Variants in FCER2 observed in about 807,000 individuals in gnomAD.
FCER2 encodes the protein low affinity immunoglobulin epsilon Fc receptor.
In FCER2, 38 loss-of-function variants were observed where a neutral mutation model predicts 49.7. That is an observed-to-expected ratio of 0.76 (90% confidence interval 0.59 to 1.00). FCER2 has a LOEUF of 1.00. FCER2 is among the 50% of genes least tolerant of loss of function. FCER2 has a pLI of 0.00. For synonymous variants in FCER2, 163 were observed against 164.6 expected, an observed-to-expected ratio of 0.99 and a Z score of 0.07; for missense variants, 425 against 419.5, an observed-to-expected ratio of 1.01 and a Z score of -0.11.
chr19:7,698,170 C>T (rs2033065641), intron 4 of FCER2, among the ~76,000 whole-genome samples, 186 bp downstream of exon 4: 1 of 152,194 alleles, frequency 6.6e-6, no homozygotes, highest in Non-Finnish European at 1.5e-5. Context: ...GGAAGAGCAT[C>T]TGTATTAGGA....
At position 7,696,905 on chromosome 19, in the gene FCER2, T is replaced by C; in HGVS notation, c.389A>G (p.Glu130Gly). 6.3e-7 allele frequency: 1 copy of C among 1,582,158 alleles called. No homozygotes were observed. Among genetic ancestry groups the C allele is most frequent in the Middle Eastern group, 1.7e-4 (1 of 6,024 alleles). The change falls in exon 8 of 11, where the codon GAG becomes GGG. Residue 130 changes from glutamate (E) to glycine (G), a missense_variant. Coordinates refer to ENST00000597921, the MANE Select transcript of FCER2 (RefSeq NM_001220500.2). ...CAGCAAATCTGAAGCTTCGTTCCTC[T>C]CGTTCAATTCTTGGGGAGTCAACAA... ...LSSFKSQELN[E>G]RNEASDLLER...
intron 3 of FCER2, 57 bp downstream of exon 3, chr19:7,698,684 G>A: frequency 6.3e-7 from 1 of 1,584,442 alleles, no homozygotes; most frequent in Non-Finnish European, 8.6e-7. Flanking sequence ...GTGAAGGAGG[G>A]AACACAGAAG....
At chr19:7,698,934 C>A (rs2033091849) in intron 2 of FCER2, 80 bp from the exon 3 acceptor site, 11 of 1,438,230 alleles carry the variant, frequency 7.6e-6, no homozygotes, top group Middle Eastern at 1.8e-4. Context: ...TTACCCAGAG[C>A]CCCCGACAGC....
chr19:7,698,370 C>A lies in FCER2; in HGVS notation c.176G>T (p.Arg59Met), dbSNP rs1464019006. The A allele has an allele frequency of 1.9e-6, 3 of 1,612,536 alleles. No individual in the cohort carries two copies. The highest frequency in any genetic ancestry group is 1.1e-5 in the South Asian group (1 of 90,862). The stretch of plus-strand genomic sequence containing the variant: ...CCCCTTCATACCGTTCCGGGCAGCC[C>A]TCTCTTCCAGCTGTTTTAGACTCTG... The part of the protein sequence containing the change: ...TTQSLKQLEE[R>M]AARNVSQVSK... Residue 59 changes from arginine (R) to methionine (M), a missense_variant, in exon 4 of 11, where the codon AGG (arginine) becomes ATG (methionine). Arg to Met is a moderately conservative substitution (Grantham distance 91, BLOSUM62 -1). Coordinates refer to ENST00000597921, the MANE Select transcript of FCER2 (RefSeq NM_001220500.2).
At chr19:7,698,228 G>C (rs1446003322) in intron 4 of FCER2, 128 bp downstream of exon 4, 1 of 658,676 alleles carries the variant, frequency 1.5e-6, no homozygotes, top group South Asian at 2.4e-5. Flanking sequence ...GCCTTCCCTA[G>C]GACAGGGAGC....
At chr19:7,698,233 G>A in intron 4 of FCER2, 123 bp downstream of exon 4, 1 of 687,114 alleles carries the variant, frequency 1.5e-6, no homozygotes, top group East Asian at 2.8e-5. Context: ...CCCTAGGACA[G>A]GGAGCAACTT....
intron 4 of FCER2, 62 bp from the exon 5 acceptor site, chr19:7,697,651 C>T (rs2033053679): frequency 7.2e-7 from 1 of 1,394,308 alleles, no homozygotes; most frequent in Admixed American, 1.8e-5. Context: ...TGGACCCCGC[C>T]TATGCCCCAG....
In FCER2 at chr19:7,696,093, C is replaced by G. The variant is rs573213109; in HGVS notation, c.469+732G>C. Among the ~76,000 whole-genome samples, 189 of 151,612 alleles carry G rather than the reference C, an allele frequency of 1.2e-3. 1 individual carries two copies. The highest frequency in any genetic ancestry group is 4.3e-3 in the African/African-American group (179 of 41,302). ...GGATTACGTATGCCCGCCACCACAC[C>G]CGGTTAATTTTTTAAAATTTTTATT... On this transcript the variant is annotated intron_variant, in intron 8 of 10. Transcript: ENST00000597921.
Position 7,689,289 on chromosome 19 carries a change from C to A in FCER2, c.870G>T (p.Pro290=), listed in dbSNP as rs374368888. 3 of 1,613,256 alleles carry A rather than the reference C, an allele frequency of 1.9e-6. No homozygotes were observed. In the Admixed American group the frequency reaches 5.0e-5, roughly 27 times the overall value. Residue 290 remains proline (P), a synonymous_variant, in exon 11 of 11, where the codon CCG becomes CCT. Coordinates refer to ENST00000597921, the MANE Select transcript of FCER2 (RefSeq NM_001220500.2). ...ACTCCGCGGAACCTTCGCTGGCTGG[C>A]GGCGTGCATGTGGCCAGCCGGTCGC... The part of the protein sequence containing the change: ...WVCDRLATCT[P]PASEGSAESM...
rs774623335 is a variant in FCER2 at position 7,698,441 on chromosome 19, G to A, written c.137-32C>T. 2.0e-5 allele frequency: 32 copies of A among 1,564,440 alleles called. No homozygotes were observed. The Admixed American group carries it at 5.4e-4, about 26-fold the overall frequency. On this transcript the variant is annotated intron_variant, in intron 3 of 10. Transcript: ENST00000597921. ...AGGGGGAGAGAAGAGGAGTGGAGAGGGGGGATTGTCAGTGCCCCCACCTGC... is the reference window on the plus strand; with the variant it reads ...AGGGGGAGAGAAGAGGAGTGGAGAGAGGGGATTGTCAGTGCCCCCACCTGC...
At position 7,699,477 on chromosome 19, in the gene FCER2, GTTT is replaced by G. The variant is rs55828544; in HGVS notation, c.22+259_22+261del. The G allele has an allele frequency of 6.5e-3, 8,051 of 1,243,654 alleles. 16 individuals carry two copies. Among genetic ancestry groups the G allele is most frequent in the African/African-American group, 0.029 (1,776 of 60,416 alleles). 77.0% of individuals were successfully genotyped at this position (1,243,654 alleles called of 1,614,324 possible). ...GGCTCCCCGCTCCCTAGCTGAAGCCGTTTTTTTTTTTTTTTCTTTTTCTTTTTT... is the reference window on the plus strand; with the variant it reads ...GGCTCCCCGCTCCCTAGCTGAAGCCGTTTTTTTTTTTTCTTTTTCTTTTTT... On this transcript the variant is annotated intron_variant, in intron 2 of 10. Transcript: ENST00000597921.
In FCER2 at chr19:7,689,329, AGCTTACGGTCGCAGAAG is replaced by A; in HGVS notation, c.813_829del (p.Phe272GlyfsTer26). On this transcript the variant is annotated frameshift_variant, in exon 11 of 11. Coordinates refer to ENST00000597921, the MANE Select transcript of FCER2 (RefSeq NM_001220500.2). LOFTEE classifies it high-confidence loss of function. ...CAGCCGGTCGCACACCCAGGCGCCC[AGCTTACGGTCGCAGAAG>A]GCGTCGTTCCAGCGACCGGAGCCCC... 1 of 1,612,942 alleles carries A rather than the reference AGCTTACGGTCGCAGAAG, an allele frequency of 6.2e-7. No homozygotes were observed. The highest frequency in any genetic ancestry group is 8.5e-7 in the Non-Finnish European group (1 of 1,179,678).
At position 7,690,513 on chromosome 19, in the gene FCER2, G is replaced by T. The variant is rs145289159; in HGVS notation, c.514C>A (p.Arg172=). ...TCPEKWINFQ[R]KCYYFGKGTK... ...CCCTTGCCGAAGTAGTAGCACTTCC[G>T]TTGGAAATTGATCCACTTTTCAGGG... Residue 172 remains arginine, a synonymous_variant, in exon 9 of 11, where the codon CGG becomes AGG. Transcript: ENST00000597921. The T allele has an allele frequency of 1.4e-5, 22 of 1,613,988 alleles. No homozygotes were observed. The Admixed American group carries it at 2.0e-4, about 15-fold the overall frequency.
At chr19:7,696,938 T>G in intron 7 of FCER2, 24 bp from the exon 8 acceptor site, 2 of 1,566,378 alleles carry the variant, frequency 1.3e-6, no homozygotes, top group Non-Finnish European at 1.7e-6. Context: ...CAAGGGGCGG[T>G]GCTCAGAGAC....
chr19:7,694,775 G>A (rs939659520), intron 8 of FCER2, among the ~76,000 whole-genome samples: 1 of 152,144 alleles, frequency 6.6e-6, no homozygotes, highest in African/African-American at 2.4e-5. Flanking sequence ...CAAAAATCAA[G>A]GGTGGGGGCA....
chr19:7,698,718 C>T (rs1227137218), intron 3 of FCER2, 23 bp downstream of exon 3: 2 of 1,608,758 alleles, frequency 1.2e-6, no homozygotes, highest in Non-Finnish European at 8.5e-7. Context: ...GGGGGGACCA[C>T]ATGGAGCTGG....
Position 7,699,319 on chromosome 19 carries a change from C to A in FCER2, c.22+420G>T, listed in dbSNP as rs567866871. ...TCCAGACCTCCAAACCTCTCCCAGACCCCACCCAAAGGTCTATCTGGATGT... is the reference window on the plus strand; with the variant it reads ...TCCAGACCTCCAAACCTCTCCCAGAACCCACCCAAAGGTCTATCTGGATGT... On this transcript the variant is annotated intron_variant, in intron 2 of 10. Coordinates refer to ENST00000597921, the MANE Select transcript of FCER2 (RefSeq NM_001220500.2). 1.3e-4 allele frequency: 140 copies of A among 1,079,862 alleles called. 2 individuals carry two copies. In the South Asian group the frequency reaches 1.8e-3, roughly 14 times the overall value. 66.9% of individuals were successfully genotyped at this position (1,079,862 alleles called of 1,614,324 possible). A position where few individuals can be genotyped will look rare whatever the true frequency, so the allele number is the denominator to read the frequency against.
intron 8 of FCER2, among the ~76,000 whole-genome samples, chr19:7,690,984 G>C (rs1369049599): frequency 4.0e-5 from 6 of 151,736 alleles, no homozygotes; most frequent in Non-Finnish European, 8.8e-5. Flanking sequence ...CTCACGGCTA[G>C]AGGTCCCTCA....
intron 7 of FCER2, 46 bp downstream of exon 7, chr19:7,696,967 C>G (rs1264878021): frequency 6.4e-7 from 1 of 1,559,660 alleles, no homozygotes; most frequent in East Asian, 2.4e-5. Flanking sequence ...AGGCCCCCTC[C>G]TTGTCCGTTC....
Sources: gnomAD v4.1 joint callset for allele counts (sites outside exome capture counted in the v4.1 genomes callset) on GRCh38, gnomAD v4.1.1 for gene constraint, MANE v1.5 for transcripts, NCBI Gene and HGNC (gene_info 2026-07-23, HGNC 2026-07-21) for gene names.